CFAP299: variants seen among roughly 807,000 people sequenced by gnomAD.
The protein encoded by CFAP299 is cilia and flagella associated protein 299.
CFAP299 carries 21 observed loss-of-function variants against 27.0 expected under a neutral mutation model. The observed-to-expected ratio is 0.78, with a 90% CI of 0.55 to 1.12. The LOEUF is 1.12. CFAP299 is among the 50% of genes most tolerant of loss of function. CFAP299 has a pLI of 0.00. For missense variants in CFAP299, 310 were observed against 276.6 expected (o/e 1.12, Z -0.86); for synonymous variants, 104 against 98.1 (o/e 1.06, Z -0.36).
At position 80,950,914 on chromosome 4, in the gene CFAP299, A is replaced by G. The variant is rs373592357; in HGVS notation, c.606+5975A>G. On this transcript the variant is annotated intron_variant, in intron 5 of 5. Transcript: ENST00000358105. ...AACTAAACACCACAAGTGGAAGCCA[A>G]ATCTAATTAGTGTTTGCCATTCTAT... is the stretch of plus-strand genomic sequence containing the variant. 7.9e-5 allele frequency among the ~76,000 whole-genome samples: 12 copies of G among 152,286 alleles called. No individual in the cohort carries two copies. In the South Asian group the frequency reaches 2.1e-3, roughly 26 times the overall value.
At chr4:80,749,493 C>T (rs1443219982) in intron 3 of CFAP299, among the ~76,000 whole-genome samples, 1 of 151,998 alleles carries the variant, frequency 6.6e-6, no homozygotes, top group Non-Finnish European at 1.5e-5. Context: ...AGGTGAAGTC[C>T]CACAATAGGC....
intron 2 of CFAP299, among the ~76,000 whole-genome samples, chr4:80,399,240 G>A (rs1416258713): frequency 6.6e-6 from 1 of 152,212 alleles, no homozygotes; most frequent in African/African-American, 2.4e-5. Flanking sequence ...TGCACTGTTG[G>A]TGGGACTGCA....
chr4:80,840,484 G>A (rs1730804279), intron 3 of CFAP299, among the ~76,000 whole-genome samples: 1 of 152,072 alleles, frequency 6.6e-6, no homozygotes, highest in Non-Finnish European at 1.5e-5. Context: ...GGGCAGATAA[G>A]AAAGATAAAC....
At chr4:80,436,588 C>T (rs1728095300) in intron 2 of CFAP299, among the ~76,000 whole-genome samples, 1 of 152,170 alleles carries the variant, frequency 6.6e-6, no homozygotes, top group African/African-American at 2.4e-5. Flanking sequence ...AGGTGTGAGC[C>T]ACCGTGCCTG....
intron 2 of CFAP299, among the ~76,000 whole-genome samples, chr4:80,563,577 G>A (rs899132718): frequency 5.3e-5 from 8 of 151,828 alleles, no homozygotes; most frequent in Non-Finnish European, 1.0e-4. Context: ...ATCACTATAA[G>A]TGCCTACATA....
At chr4:80,886,937 CT>C (rs1733999982) in intron 4 of CFAP299, among the ~76,000 whole-genome samples, 1 of 151,864 alleles carries the variant, frequency 6.6e-6, no homozygotes. Flanking sequence ...AACTGACATA[CT>C]GAAGAATGTA....
intron 2 of CFAP299, among the ~76,000 whole-genome samples, chr4:80,450,791 T>TA (rs1006402907): frequency 6.6e-6 from 1 of 152,036 alleles, no homozygotes; most frequent in African/African-American, 2.4e-5. Flanking sequence ...ATTTTCAACT[T>TA]AATGAAATAA....
chr4:80,531,747 G>GTT (rs200507684), intron 2 of CFAP299, among the ~76,000 whole-genome samples: 2,669 of 115,996 alleles, frequency 0.023, 43 homozygotes, highest in African/African-American at 0.041. Context: ...TAAGATAGAA[G>GTT]TTTTTTTTTT....
chr4:80,911,400 C>G (rs897992633), intron 4 of CFAP299, among the ~76,000 whole-genome samples: 3 of 151,978 alleles, frequency 2.0e-5, no homozygotes. Context: ...ATCAAATATA[C>G]AAGTAAATGT....
At chr4:80,855,385 T>C (rs1560446738) in intron 3 of CFAP299, among the ~76,000 whole-genome samples, 1 of 151,904 alleles carries the variant, frequency 6.6e-6, no homozygotes, top group Non-Finnish European at 1.5e-5. Flanking sequence ...CTTTTTTATC[T>C]TATTTTCTTT....
intron 2 of CFAP299, among the ~76,000 whole-genome samples, chr4:80,498,160 G>A (rs1731556124): frequency 1.3e-5 from 2 of 152,028 alleles, no homozygotes; most frequent in Non-Finnish European, 2.9e-5. Context: ...AGAAACAGAG[G>A]AATTACCATT....
intron 3 of CFAP299, among the ~76,000 whole-genome samples, chr4:80,594,419 A>G (rs1188820802): frequency 6.6e-6 from 1 of 152,168 alleles, no homozygotes; most frequent in Non-Finnish European, 1.5e-5. Flanking sequence ...ACACCTGGGG[A>G]TTACAATTCA....
intron 3 of CFAP299, among the ~76,000 whole-genome samples, chr4:80,669,096 T>TA (rs1314869498): frequency 1.2e-5 from 1 of 84,612 alleles, no homozygotes; most frequent in African/African-American, 3.9e-5. Context: ...TAAAATTACT[T>TA]AATTTCTTTT....
At chr4:80,584,833 G>A (rs1016309033) in intron 3 of CFAP299, among the ~76,000 whole-genome samples, 2 of 151,918 alleles carry the variant, frequency 1.3e-5, no homozygotes, top group African/African-American at 2.4e-5. Context: ...ATGAGGCATC[G>A]TACTAACTGC....
intron 2 of CFAP299, among the ~76,000 whole-genome samples, chr4:80,560,834 C>G (rs1735005472): frequency 6.6e-6 from 1 of 152,126 alleles, no homozygotes; most frequent in Non-Finnish European, 1.5e-5. Context: ...CTTTTTCACT[C>G]TAGCCCTTGA....
intron 2 of CFAP299, among the ~76,000 whole-genome samples, chr4:80,401,387 T>C (rs1365780745): frequency 1.3e-5 from 2 of 152,136 alleles, no homozygotes; most frequent in Non-Finnish European, 2.9e-5. Flanking sequence ...GTTCTCGTGC[T>C]GTGTGCACAC....
chr4:80,436,091 C>T (rs561026449), intron 2 of CFAP299, among the ~76,000 whole-genome samples: 50 of 152,206 alleles, frequency 3.3e-4, no homozygotes, highest in Non-Finnish European at 5.1e-4. Context: ...TGGGTTGCAA[C>T]GTGGACAGAC....
intron 3 of CFAP299, among the ~76,000 whole-genome samples, chr4:80,688,789 CTT>C (rs1435253329): frequency 1.3e-5 from 2 of 152,012 alleles, no homozygotes; most frequent in South Asian, 4.2e-4. Flanking sequence ...AAGTTGAAAA[CTT>C]TGAAAAAAAT....
At chr4:80,718,365 C>T (rs1428455307) in intron 3 of CFAP299, among the ~76,000 whole-genome samples, 3 of 152,012 alleles carry the variant, frequency 2.0e-5, no homozygotes, top group Non-Finnish European at 4.4e-5. Context: ...ATTGAAGAAA[C>T]TACAGAAGTA....
Sources: allele counts gnomAD v4.1 joint callset (sites outside exome capture counted in the v4.1 genomes callset), GRCh38; gene constraint gnomAD v4.1.1; transcripts MANE v1.5; gene names NCBI Gene and HGNC (gene_info 2026-07-23, HGNC 2026-07-21).